CCK: variants seen among roughly 807,000 people sequenced by gnomAD.
CCK encodes cholecystokinin, also known as cholecystokinin triacontatriapeptide.
In CCK, 11 loss-of-function variants were observed where a neutral mutation model predicts 10.1. The observed-to-expected ratio is 1.09, with a 90% CI of 0.69 to 1.81. The LOEUF is 1.81. Ranked by LOEUF, CCK falls within the 40% of genes most tolerant of loss-of-function variation. CCK has a pLI of 0.00. For synonymous variants in CCK, 83 were observed against 71.9 expected (o/e 1.15, Z -0.78); for missense variants, 137 against 159.9 (o/e 0.86, Z 0.77).
At chr3:42,263,233 C>T (rs1402514422) in intron 4 of CCK, 184 bp downstream of exon 4, 29 of 867,352 alleles carry the variant, frequency 3.3e-5, no homozygotes, top group Non-Finnish European at 5.3e-5. Context: ...AGAAGGTTCC[C>T]CTTACTTATA....
Position 42,257,936 on chromosome 3 carries a change from TG to T in CCK, c.*161del. 1.4e-6 allele frequency: 1 copy of T among 712,692 alleles called. No individual in the cohort carries two copies. Among genetic ancestry groups the T allele is most frequent in the Non-Finnish European group, 2.2e-6 (1 of 445,158 alleles). The allele number at this position is 712,692 out of a possible 1,614,324, so 44.1% of individuals were successfully genotyped here. A position where few individuals can be genotyped will look rare whatever the true frequency, so the allele number is the denominator to read the frequency against. ...ATTCTGGTGAGGTGTGTGGTTGCAC[TG>T]GACAATCTTACAGACACATTTTTCA... On this transcript the variant is annotated 3_prime_UTR_variant, in exon 5 of 5. Transcript: ENST00000396169.
intron 4 of CCK, among the ~76,000 whole-genome samples, chr3:42,262,605 A>T (rs575007235): frequency 6.6e-6 from 1 of 152,304 alleles, no homozygotes; most frequent in Non-Finnish European, 1.5e-5. Context: ...GTCACTGGGG[A>T]TAAAGTTGGC....
At chr3:42,262,167 G>A (rs1402729045) in intron 4 of CCK, among the ~76,000 whole-genome samples, 2 of 149,136 alleles carry the variant, frequency 1.3e-5, no homozygotes, top group Non-Finnish European at 3.0e-5. Flanking sequence ...AGAGCTTCAT[G>A]GAAAAGGCAA....
Position 42,263,560 on chromosome 3 carries a change from G to C in CCK, c.71C>G (p.Pro24Arg). The C allele has an allele frequency of 6.2e-7, 1 of 1,609,864 alleles. No homozygotes were observed. The highest frequency in any genetic ancestry group is 8.5e-7 in the Non-Finnish European group (1 of 1,178,304). ...CCCGGAGCCCGCGGGATCTGCGGGAGGCACCGGCTGCGTCAGGGCGCCAGC... is the reference window on the plus strand; with the variant it reads ...CCCGGAGCCCGCGGGATCTGCGGGACGCACCGGCTGCGTCAGGGCGCCAGC... ...LAAGALTQPV[P>R]PADPAGSGLQ... The change falls in exon 4 of 5, where the codon CCT becomes CGT. Residue 24 changes from proline to arginine, a missense_variant. Pro to Arg is a moderately radical substitution (Grantham distance 103, BLOSUM62 -2). Coordinates refer to ENST00000396169, the MANE Select transcript of CCK (RefSeq NM_000729.6).
At chr3:42,259,337 A>C (rs1239493230) in intron 4 of CCK, among the ~76,000 whole-genome samples, 1 of 152,220 alleles carries the variant, frequency 6.6e-6, no homozygotes, top group African/African-American at 2.4e-5. Context: ...GTACCCCAGA[A>C]CTTAAAGTAT....
At position 42,257,983 on chromosome 3, in the gene CCK, GATAC is replaced by G; in HGVS notation, c.*111_*114del. On this transcript the variant is annotated 3_prime_UTR_variant, in exon 5 of 5. Transcript: ENST00000396169. ...TTTCACATTGAGAACTTAATAAATAGATACATACAATGTCAAACTCCACAGACAA... is the reference window on the plus strand; with the variant it reads ...TTTCACATTGAGAACTTAATAAATAGATACAATGTCAAACTCCACAGACAA... 9.0e-7 allele frequency: 1 copy of G among 1,116,308 alleles called. No individual in the cohort carries two copies. The highest frequency in any genetic ancestry group is 1.3e-6 in the Non-Finnish European group (1 of 782,320). 69.2% of individuals were successfully genotyped at this position (1,116,308 alleles called of 1,614,324 possible).
At position 42,258,149 on chromosome 3, in the gene CCK, G is replaced by A; in HGVS notation, c.297C>T (p.Gly99=). The change falls in exon 5 of 5, where the codon GGC becomes GGT. Residue 99 remains glycine (G), a synonymous_variant. Transcript: ENST00000396169. ...CACTGCGACGGCCAAAATCCATCCA[G>A]CCCATGTAGTCCCGGTCACTTATCC... ...SHRISDRDYM[G]WMDFGRRSAE... is the part of the protein sequence containing the mutation. 1 of 1,614,126 alleles carries A rather than the reference G, an allele frequency of 6.2e-7. No individual in the cohort carries two copies. The highest frequency in any genetic ancestry group is 8.5e-7 in the Non-Finnish European group (1 of 1,180,022).
chr3:42,258,461 T>C (rs1711169120), intron 4 of CCK, among the ~76,000 whole-genome samples: 1 of 152,214 alleles, frequency 6.6e-6, no homozygotes, highest in African/African-American at 2.4e-5. Flanking sequence ...GTTAGGGGTG[T>C]GCTTTGCGTT....
intron 4 of CCK, among the ~76,000 whole-genome samples, chr3:42,261,861 C>G (rs1450828317): frequency 6.6e-6 from 1 of 152,196 alleles, no homozygotes; most frequent in African/African-American, 2.4e-5. Flanking sequence ...AGCAGGAACT[C>G]AAAAGCTTTC....
Position 42,265,717 on chromosome 3 carries a change from G to A in CCK, c.-416C>T, listed in dbSNP as rs1711278111. The A allele has an allele frequency of 6.6e-6, 1 of 152,262 alleles. No homozygotes were observed. The highest frequency in any genetic ancestry group is 1.5e-5 in the Non-Finnish European group (1 of 68,168). The allele number at this position is 152,262 out of a possible 1,614,324, so 9.4% of individuals were successfully genotyped here. On this transcript the variant is annotated 5_prime_UTR_variant, in exon 1 of 5. Transcript: ENST00000396169. ...ACTCAGCTGCGCAGCCTGGAGGTGAGGACCTCACCCCTAGTCAGTCACCCG... is the reference window on the plus strand; with the variant it reads ...ACTCAGCTGCGCAGCCTGGAGGTGAAGACCTCACCCCTAGTCAGTCACCCG...
At chr3:42,259,923 G>A (rs1434193604) in intron 4 of CCK, among the ~76,000 whole-genome samples, 2 of 152,132 alleles carry the variant, frequency 1.3e-5, no homozygotes, top group South Asian at 2.1e-4. Context: ...CTGTGTTGGG[G>A]GCCACTGTAT....
At chr3:42,263,328 C>T (rs1489455302) in intron 4 of CCK, 89 bp downstream of exon 4, 2 of 1,592,276 alleles carry the variant, frequency 1.3e-6, no homozygotes, top group Middle Eastern at 1.7e-4. Flanking sequence ...GAGAGGTCAT[C>T]CCCATCAGGC....
rs763929832 is a variant in CCK, at chr3:42,258,087, G to A, written c.*11C>T. On this transcript the variant is annotated 3_prime_UTR_variant, in exon 5 of 5. Coordinates refer to ENST00000396169, the MANE Select transcript of CCK (RefSeq NM_000729.6). The stretch of plus-strand genomic sequence containing the variant: ...GGTTGCTTCCCGTTGGGCTGATGGC[G>A]GCTGGGTCCTCTAGGAGGGGTACTC... 10 of 1,606,866 alleles carry A rather than the reference G, an allele frequency of 6.2e-6. No homozygotes were observed. Among genetic ancestry groups the A allele is most frequent in the Middle Eastern group, 3.3e-4 (2 of 6,040 alleles).
Position 42,261,210 on chromosome 3 carries a change from A to C in CCK, c.214+2207T>G, listed in dbSNP as rs1711205468. Among the ~76,000 whole-genome samples, 6 of 152,226 alleles carry C rather than the reference A, an allele frequency of 3.9e-5. No individual in the cohort carries two copies. In the South Asian group the frequency reaches 1.2e-3, roughly 32 times the overall value. ...TAAACTCTTAAGTACTGCTCAAAGA[A>C]TGCATTGTCTTGTTTAGAACTTTTA... On this transcript the variant is annotated intron_variant, in intron 4 of 4. Coordinates refer to ENST00000396169, the MANE Select transcript of CCK (RefSeq NM_000729.6).
rs1341940636 is a variant in CCK, at chr3:42,258,127, T to C, written c.319A>G (p.Ser107Gly). The change falls in exon 5 of 5, where the codon AGT becomes GGT. Residue 107 changes from serine to glycine, a missense_variant. Coordinates refer to ENST00000396169, the MANE Select transcript of CCK (RefSeq NM_000729.6). ...GAGGGGTACTCATACTCCTCGGCAC[T>C]GCGACGGCCAAAATCCATCCAGCCC... ...YMGWMDFGRRSAEEYEYPS is the reference protein window; with the variant it reads ...YMGWMDFGRRGAEEYEYPS The C allele has an allele frequency of 6.2e-7, 1 of 1,614,034 alleles. No homozygotes were observed. The highest frequency in any genetic ancestry group is 8.5e-7 in the Non-Finnish European group (1 of 1,180,034).
At chr3:42,263,151 T>C (rs549277619) in intron 4 of CCK, 32 of 576,218 alleles carry the variant, frequency 5.6e-5, no homozygotes, top group African/African-American at 9.4e-5. Context: ...AATTATCTTT[T>C]AATGGCTTGG....
intron 4 of CCK, 38 bp downstream of exon 4, chr3:42,263,379 A>C (rs764371425): frequency 6.2e-7 from 1 of 1,614,080 alleles, no homozygotes; most frequent in Non-Finnish European, 8.5e-7. Context: ...GCCTGGGAAC[A>C]AGGGCAGAAG....
Position 42,257,848 on chromosome 3 carries a change from C to A in CCK, c.*250G>T. 2.2e-6 allele frequency: 1 copy of A among 451,604 alleles called. No individual in the cohort carries two copies. Among genetic ancestry groups the A allele is most frequent in the Admixed American group, 3.9e-5 (1 of 25,410 alleles). 28.0% of individuals were successfully genotyped at this position (451,604 alleles called of 1,614,324 possible). ...GGGCAGAATGAAATCACTTTAATAG[C>A]ATAACAACATTTTCAGACCAGGAGT... On this transcript the variant is annotated 3_prime_UTR_variant, in exon 5 of 5. Coordinates refer to ENST00000396169, the MANE Select transcript of CCK (RefSeq NM_000729.6).
chr3:42,263,833 T>G (rs900654182), intron 3 of CCK: 3 of 770,844 alleles, frequency 3.9e-6, no homozygotes, highest in Non-Finnish European at 5.7e-6. Flanking sequence ...CTGGCTGGTC[T>G]TTGGGAACTC....
Sources: gnomAD v4.1 joint callset for allele counts (sites outside exome capture counted in the v4.1 genomes callset) on GRCh38, gnomAD v4.1.1 for gene constraint, MANE v1.5 for transcripts, NCBI Gene and HGNC (gene_info 2026-07-23, HGNC 2026-07-21) for gene names.